Variants in LARP7 observed in about 807,000 individuals in gnomAD.
LARP7 encodes the protein la-related protein 7.
In LARP7, 52 loss-of-function variants were observed where a neutral mutation model predicts 69.3. The observed-to-expected ratio is 0.75, with a 90% CI of 0.60 to 0.95. The LOEUF (loss-of-function observed/expected upper bound fraction) is 0.95, where lower values mean the gene tolerates loss of function less well. LARP7 is among the 40% of genes least tolerant of loss of function. LARP7 has a pLI of 0.00. For synonymous variants in LARP7, 254 were observed against 215.9 expected (o/e 1.18, Z -1.55); for missense variants, 733 against 673.0 (o/e 1.09, Z -0.99).
chr4:112,647,616 G>A, intron 7 of LARP7, 67 bp downstream of exon 7: 1 of 1,468,706 alleles, frequency 6.8e-7, no homozygotes, highest in Middle Eastern at 2.5e-4. Context: ...TAATTAATTA[G>A]GTTTTAATTG....
rs12642153 is a variant in LARP7 at position 112,646,551 on chromosome 4, A to C, written c.304-37A>C. 5.2e-3 allele frequency: 6,791 copies of C among 1,307,770 alleles called. 253 individuals carry two copies. The East Asian group carries it at 0.099, about 19-fold the overall frequency. 81.0% of individuals were successfully genotyped at this position (1,307,770 alleles called of 1,614,324 possible). A position where few individuals can be genotyped will look rare whatever the true frequency, so the allele number is the denominator to read the frequency against. On this transcript the variant is annotated intron_variant, in intron 3 of 12. Coordinates refer to ENST00000344442, the MANE Select transcript of LARP7 (RefSeq NM_016648.4). Reference sequence around the variant, plus strand: ...ATGATTATAGCTTACAATTATAAATAATATTAGTTTTATTAATGTAATATA... The same window carrying C: ...ATGATTATAGCTTACAATTATAAATCATATTAGTTTTATTAATGTAATATA...
At position 112,647,698 on chromosome 4, in the gene LARP7, A is replaced by G; in HGVS notation, c.1006A>G (p.Ile336Val). The change falls in exon 8 of 13, where the codon ATC becomes GTC. Residue 336 changes from isoleucine (I) to valine (V), a missense_variant. By Grantham distance (29) the Ile-to-Val change is conservative. Coordinates refer to ENST00000344442, the MANE Select transcript of LARP7 (RefSeq NM_016648.4). Reference sequence around the variant, plus strand: ...TTTTTATTTATTTCAAGATATAGAAATCTCTACTGAAGAGGAAAAGGATAC... The same window carrying G: ...TTTTTATTTATTTCAAGATATAGAAGTCTCTACTGAAGAGGAAAAGGATAC... ...EASKENRDIE[I>V]STEEEKDTGD... 1.3e-6 allele frequency: 2 copies of G among 1,524,590 alleles called. No individual in the cohort carries two copies. The highest frequency in any genetic ancestry group is 2.8e-5 in the African/African-American group (2 of 71,876). 94.4% of individuals were successfully genotyped at this position (1,524,590 alleles called of 1,614,324 possible).
Position 112,647,495 on chromosome 4 carries a change from A to G in LARP7, c.943A>G (p.Ile315Val), listed in dbSNP as rs2048358728. Residue 315 changes from isoleucine (I) to valine (V), a missense_variant, in exon 7 of 13, where the codon ATT (isoleucine) becomes GTT (valine). Physicochemically the swap from Ile to Val is conservative, Grantham distance 29. Transcript: ENST00000344442. Reference protein sequence around the residue: ...SLAPRSKVKKIIQKDIIKEAS... With the variant: ...SLAPRSKVKKVIQKDIIKEAS... Reference sequence around the variant, plus strand: ...AGCTCCCCGATCAAAAGTAAAGAAAATTATTCAGAAAGACATCATTAAGGA... The same window carrying G: ...AGCTCCCCGATCAAAAGTAAAGAAAGTTATTCAGAAAGACATCATTAAGGA... 6.2e-7 allele frequency: 1 copy of G among 1,613,544 alleles called. No homozygotes were observed.
chr4:112,645,779 A>G (rs1164135950), intron 2 of LARP7: 1 of 355,146 alleles, frequency 2.8e-6, no homozygotes, highest in South Asian at 2.1e-5. Flanking sequence ...TCACCCCTGA[A>G]TTGCTGAGAT....
intron 1 of LARP7, among the ~76,000 whole-genome samples, chr4:112,638,759 G>C (rs763978904): frequency 2.0e-5 from 3 of 152,134 alleles, no homozygotes; most frequent in African/African-American, 4.8e-5. Context: ...TCACCTGACT[G>C]TGCATTTCTC....
chr4:112,647,755 A>G lies in LARP7; in HGVS notation c.1063A>G (p.Thr355Ala). 1 of 1,576,134 alleles carries G rather than the reference A, an allele frequency of 6.3e-7. No individual in the cohort carries two copies. ...TCTAAAAGATAGCTCTCTCTTGAAA[A>G]CAAAAAGGAAACATAAGAAAAAACA... ...GDLKDSSLLK[T>A]KRKHKKKHKE... The change falls in exon 8 of 13, where the codon ACA becomes GCA. Residue 355 changes from threonine to alanine, a missense_variant. Coordinates refer to ENST00000344442, the MANE Select transcript of LARP7 (RefSeq NM_016648.4).
At position 112,649,675 on chromosome 4, in the gene LARP7, A is replaced by G. The variant is rs2048613304; in HGVS notation, c.1283A>G (p.Lys428Arg). The change falls in exon 9 of 13, where the codon AAA becomes AGA. Residue 428 changes from lysine to arginine, a missense_variant. Lys to Arg is a conservative substitution (Grantham distance 26, BLOSUM62 2). Transcript: ENST00000344442. Reference sequence around the variant, plus strand: ...GGAGTACCTCAAAACACTGGAATGAAAAATGAAAAAAGTAAAGATCACTGA... The same window carrying G: ...GGAGTACCTCAAAACACTGGAATGAGAAATGAAAAAAGTAAAGATCACTGA... ...DSGVPQNTGM[K>R]NEKTANREEC... 1.9e-6 allele frequency: 3 copies of G among 1,591,052 alleles called. No individual in the cohort carries two copies. The highest frequency in any genetic ancestry group is 2.6e-6 in the Non-Finnish European group (3 of 1,170,790).
intron 2 of LARP7, chr4:112,645,514 T>A (rs999170699): frequency 1.4e-4 from 62 of 456,284 alleles, no homozygotes; most frequent in African/African-American, 1.2e-3. Flanking sequence ...ATTTTTTGTT[T>A]CATTTTTTTG....
At position 112,650,452 on chromosome 4, in the gene LARP7, T is replaced by C; in HGVS notation, c.1295-9T>C. On this transcript the variant is annotated splice_polypyrimidine_tract_variant and intron_variant, in intron 9 of 12. Coordinates refer to ENST00000344442, the MANE Select transcript of LARP7 (RefSeq NM_016648.4). The stretch of plus-strand genomic sequence containing the variant: ...GATTTAGTCCTGGTCTTTTTCCTTT[T>C]CTAATCAGCAGCCAACAGGGAAGAG... The C allele has an allele frequency of 1.2e-6, 2 of 1,613,500 alleles. No individual in the cohort carries two copies. The highest frequency in any genetic ancestry group is 8.5e-7 in the Non-Finnish European group (1 of 1,179,618).
Position 112,653,078 on chromosome 4 carries a change from A to T in LARP7, c.1418A>T (p.Asp473Val). 6.3e-7 allele frequency: 1 copy of T among 1,584,102 alleles called. No individual in the cohort carries two copies. Among genetic ancestry groups the T allele is most frequent in the African/African-American group, 1.4e-5 (1 of 72,912 alleles). ...EPLPGRKQVR[D>V]TLAAISEVLY... ...TCTTTCTACTTAACTCTAATGCAGG[A>T]TACTTTGGCAGCAATCTCAGAAGTT... Residue 473 changes from aspartate (D) to valine (V), a missense_variant and splice_region_variant, in exon 11 of 13, where the codon GAT becomes GTT. Asp to Val is a radical substitution (Grantham distance 152, BLOSUM62 -3). Transcript: ENST00000344442.
intron 9 of LARP7, 177 bp downstream of exon 9, chr4:112,649,863 ATATT>A: frequency 2.4e-6 from 1 of 419,488 alleles, no homozygotes. Context: ...TGATATAAGA[ATATT>A]TAAAAGGCTC....
At chr4:112,645,275 C>T (rs1007811507) in intron 2 of LARP7, among the ~76,000 whole-genome samples, 1 of 151,984 alleles carries the variant, frequency 6.6e-6, no homozygotes, top group African/African-American at 2.4e-5. Context: ...TGTGTATATT[C>T]GTTTCTGTAA....
Position 112,649,914 on chromosome 4 carries a change from TAC to T in LARP7, c.1294+230_1294+231del, listed in dbSNP as rs36087422. 0.21 allele frequency: 63,158 copies of T among 295,490 alleles called. 8,111 individuals carry two copies. The highest frequency in any genetic ancestry group is 0.27 in the Non-Finnish European group (42,869 of 159,066). The allele number at this position is 295,490 out of a possible 1,614,324, so 18.3% of individuals were successfully genotyped here. A position where few individuals can be genotyped will look rare whatever the true frequency, so the allele number is the denominator to read the frequency against. ...TTTTTTAAATAACCTGAGTTTTCTC[TAC>T]AGTTTTCATCAAGCACATGAGTGCA... On this transcript the variant is annotated intron_variant, in intron 9 of 12. Transcript: ENST00000344442.
chr4:112,645,287 T>G (rs1309892689), intron 2 of LARP7, among the ~76,000 whole-genome samples: 1 of 152,166 alleles, frequency 6.6e-6, no homozygotes, highest in Non-Finnish European at 1.5e-5. Context: ...TTTCTGTAAG[T>G]GTGTTCCGTG....
At position 112,651,373 on chromosome 4, in the gene LARP7, A is replaced by C. The variant is rs963778160; in HGVS notation, c.1416+791A>C. Among the ~76,000 whole-genome samples, 62 of 152,276 alleles carry C rather than the reference A, an allele frequency of 4.1e-4. 1 individual carries two copies. Among genetic ancestry groups the C allele is most frequent in the African/African-American group, 1.3e-3 (56 of 41,576 alleles). Reference sequence around the variant, plus strand: ...ACTGTCCTACAATCCTATAGCTGTCACTAAGAAACAAATTTTGATCCTCTT... The same window carrying C: ...ACTGTCCTACAATCCTATAGCTGTCCCTAAGAAACAAATTTTGATCCTCTT... On this transcript the variant is annotated intron_variant, in intron 10 of 12. Coordinates refer to ENST00000344442, the MANE Select transcript of LARP7 (RefSeq NM_016648.4).
intron 1 of LARP7, 127 bp from the exon 2 acceptor site, chr4:112,644,541 G>A: frequency 9.5e-7 from 1 of 1,053,656 alleles, no homozygotes; most frequent in Non-Finnish European, 1.3e-6. Flanking sequence ...TGTTCTTTCT[G>A]TTTGTCTTCT....
chr4:112,644,563 G>A lies in LARP7; in HGVS notation c.-2-105G>A, dbSNP rs2048090185. ...TCTGTTTGTCTTCTGATGGCCAAAT[G>A]TGAGTCCATTATTCTCTCAGACAGT... On this transcript the variant is annotated intron_variant, in intron 1 of 12. Transcript: ENST00000344442. 4 of 1,027,896 alleles carry A rather than the reference G, an allele frequency of 3.9e-6. No homozygotes were observed. The South Asian group carries it at 9.3e-5, about 24-fold the overall frequency. The allele number at this position is 1,027,896 out of a possible 1,614,324, so 63.7% of individuals were successfully genotyped here. A position where few individuals can be genotyped will look rare whatever the true frequency, so the allele number is the denominator to read the frequency against.
At chr4:112,638,703 G>C (rs1347790772) in intron 1 of LARP7, among the ~76,000 whole-genome samples, 1 of 152,152 alleles carries the variant, frequency 6.6e-6, no homozygotes. Context: ...ACCTAGGTTT[G>C]TGTGAATACA....
intron 9 of LARP7, 122 bp from the exon 10 acceptor site, chr4:112,650,339 A>G (rs2048664928): frequency 1.1e-6 from 1 of 946,228 alleles, no homozygotes; most frequent in African/African-American, 1.7e-5. Context: ...TTACTTTAAA[A>G]TTAAATACGT....
Sources: gnomAD v4.1 joint callset for allele counts (sites outside exome capture counted in the v4.1 genomes callset) on GRCh38, gnomAD v4.1.1 for gene constraint, MANE v1.5 for transcripts, NCBI Gene and HGNC (gene_info 2026-07-23, HGNC 2026-07-21) for gene names.